The following TENM3 variants were observed in gnomAD, a reference collection of about 807,000 sequenced individuals.
TENM3 encodes teneurin transmembrane protein 3, also known as teneurin-3.
Under a neutral mutation model 255.1 loss-of-function variants are expected in TENM3, and 63 were observed. The ratio of observed to expected loss-of-function variants is 0.25; its 90% CI spans 0.20 to 0.30. The LOEUF (loss-of-function observed/expected upper bound fraction) is 0.30. Ranked by LOEUF, TENM3 falls within the 10% of genes least tolerant of loss-of-function variation. The probability of loss-of-function intolerance (pLI) is 1.00; values close to 1 mark genes in which losing one functional copy is unlikely to be tolerated. For missense variants in TENM3, 2,929 were observed against 3,461.1 expected (o/e 0.85, Z 3.86); for synonymous variants, 1,306 against 1,322.3 (o/e 0.99, Z 0.27).
chr4:182,486,298 A>G (rs956459433), intron 3 of TENM3, among the ~76,000 whole-genome samples: 17 of 77,178 alleles, frequency 2.2e-4, no homozygotes, highest in African/African-American at 7.7e-4. Flanking sequence ...ATTCTTAAGA[A>G]GTATTTTAAT....
intron 1 of TENM3, among the ~76,000 whole-genome samples, chr4:182,203,654 G>A (rs895678878): frequency 1.3e-5 from 2 of 152,068 alleles, no homozygotes; most frequent in African/African-American, 2.4e-5. Flanking sequence ...CTTTCCCAAC[G>A]CCTCTCCCGC....
chr4:182,118,156 T>C, the TENM3 span, among the ~76,000 whole-genome samples: 1 of 152,108 alleles, frequency 6.6e-6, no homozygotes, highest in Non-Finnish European at 1.5e-5. Context: ...TTATCATTAA[T>C]TACTTATTAA....
the TENM3 span, among the ~76,000 whole-genome samples, chr4:181,784,802 TC>T: frequency 2.6e-5 from 4 of 152,246 alleles, no homozygotes; most frequent in South Asian, 8.3e-4. Context: ...TATTGCCCCC[TC>T]ACCATTTTTA....
At chr4:182,190,331 T>C (rs7677929) in intron 1 of TENM3, 34,859 of 152,034 alleles carry the variant, frequency 0.23, 4,536 homozygotes, top group East Asian at 0.44. Context: ...TACAGAAAAC[T>C]GTGTGTAAAA....
At chr4:182,525,493 T>C (rs543509941) in intron 3 of TENM3, among the ~76,000 whole-genome samples, 20 of 152,326 alleles carry the variant, frequency 1.3e-4, no homozygotes, top group African/African-American at 4.3e-4. Context: ...CCAAACACTT[T>C]CCATCACACT....
chr4:181,487,074 C>T, the TENM3 span, among the ~76,000 whole-genome samples: 3 of 152,178 alleles, frequency 2.0e-5, no homozygotes, highest in African/African-American at 7.2e-5. Context: ...ATGCGCATAC[C>T]ATATAAAAGC....
At chr4:181,564,214 TG>T in the TENM3 span, among the ~76,000 whole-genome samples, 1 of 151,950 alleles carries the variant, frequency 6.6e-6, no homozygotes, top group Non-Finnish European at 1.5e-5. Flanking sequence ...TTAGTAGAGA[TG>T]AGGTTCCACC....
At chr4:182,432,436 C>T (rs749785696) in intron 3 of TENM3, among the ~76,000 whole-genome samples, 3 of 152,162 alleles carry the variant, frequency 2.0e-5, no homozygotes, top group East Asian at 1.9e-4. Context: ...TGATATACAA[C>T]GTTATTCCAC....
chr4:181,868,452 T>A, the TENM3 span, among the ~76,000 whole-genome samples: 1 of 152,204 alleles, frequency 6.6e-6, no homozygotes, highest in East Asian at 1.9e-4. Flanking sequence ...TTTTGCCAGA[T>A]GATTTGACAA....
chr4:182,458,505 T>C (rs1774046034), intron 3 of TENM3, among the ~76,000 whole-genome samples: 1 of 152,208 alleles, frequency 6.6e-6, no homozygotes, highest in East Asian at 1.9e-4. Context: ...GCTGGACTTT[T>C]CTGGATTGCT....
chr4:182,101,543 C>T, the TENM3 span, among the ~76,000 whole-genome samples: 1 of 152,082 alleles, frequency 6.6e-6, no homozygotes, highest in Non-Finnish European at 1.5e-5. Flanking sequence ...CTTCACTTTA[C>T]TTATACGTGG....
the TENM3 span, among the ~76,000 whole-genome samples, chr4:181,620,121 C>T: frequency 2.0e-5 from 3 of 151,922 alleles, no homozygotes; most frequent in East Asian, 1.9e-4. Flanking sequence ...GTTAGCTGGG[C>T]GTGGTGGCAC....
the TENM3 span, among the ~76,000 whole-genome samples, chr4:181,969,482 T>C: frequency 2.0e-5 from 3 of 152,198 alleles, no homozygotes; most frequent in African/African-American, 4.8e-5. Context: ...TCAGTCTTTC[T>C]CAACATTTTT....
At chr4:182,694,040 ATTGT>A (rs1398179939) in intron 12 of TENM3, among the ~76,000 whole-genome samples, 1 of 152,134 alleles carries the variant, frequency 6.6e-6, no homozygotes, top group African/African-American at 2.4e-5. Flanking sequence ...CATAATGGAT[ATTGT>A]TTAACAAGAA....
intron 5 of TENM3, among the ~76,000 whole-genome samples, chr4:182,630,610 C>T (rs998623058): frequency 3.9e-5 from 6 of 152,052 alleles, no homozygotes; most frequent in African/African-American, 1.4e-4. Flanking sequence ...GGACTTAATA[C>T]CTAGGTGATG....
chr4:181,469,147 G>T, the TENM3 span, among the ~76,000 whole-genome samples: 2 of 152,222 alleles, frequency 1.3e-5, no homozygotes, highest in East Asian at 3.9e-4. Flanking sequence ...GGTTGCTCTG[G>T]TTGTATCATA....
chr4:181,775,578 T>C, the TENM3 span, among the ~76,000 whole-genome samples: 1 of 152,192 alleles, frequency 6.6e-6, no homozygotes, highest in Admixed American at 6.5e-5. Flanking sequence ...TGTTTTCTAC[T>C]AAGTTATTAA....
At chr4:182,479,526 C>T (rs1387290092) in intron 3 of TENM3, among the ~76,000 whole-genome samples, 5 of 151,786 alleles carry the variant, frequency 3.3e-5, no homozygotes, top group Admixed American at 2.6e-4. Context: ...CTTATGATAT[C>T]GAATGTGTAA....
chr4:181,931,271 A>G, the TENM3 span, among the ~76,000 whole-genome samples: 11 of 152,202 alleles, frequency 7.2e-5, no homozygotes, highest in African/African-American at 2.7e-4. Flanking sequence ...AAACCCCATC[A>G]TCTCAGCCCA....
Sources: gnomAD v4.1 joint callset for allele counts (sites outside exome capture counted in the v4.1 genomes callset) on GRCh38, gnomAD v4.1.1 for gene constraint, MANE v1.5 for transcripts, NCBI Gene and HGNC (gene_info 2026-07-23, HGNC 2026-07-21) for gene names.